The following DIAPH2 variants were observed in gnomAD, a reference collection of about 807,000 sequenced individuals.
DIAPH2 encodes the protein protein diaphanous homolog 2.
A neutral mutation model predicts 92.7 loss-of-function variants in DIAPH2; 35 were observed. The observed-to-expected ratio is 0.38, with a 90% CI of 0.29 to 0.50. DIAPH2 has a LOEUF of 0.50. DIAPH2 is among the 20% of genes least tolerant of loss of function. The pLI, the probability that DIAPH2 is intolerant of heterozygous loss-of-function variation, is 0.94. For synonymous variants in DIAPH2, 301 were observed against 280.4 expected, an observed-to-expected ratio of 1.07 and a Z score of -0.73; for missense variants, 701 against 819.5, an observed-to-expected ratio of 0.86 and a Z score of 1.77.
At chrX:97,269,556 C>T (rs1310654722) in intron 23 of DIAPH2, among the ~76,000 whole-genome samples, 1 of 111,126 alleles carries the variant, frequency 9.0e-6, no homozygotes, top group African/African-American at 3.3e-5. Context: ...CTGTTTGCTG[C>T]GAAAAGGAAT....
intron 3 of DIAPH2, among the ~76,000 whole-genome samples, chrX:96,741,757 T>A (rs2064121290): frequency 8.9e-6 from 1 of 111,917 alleles, no homozygotes; most frequent in Admixed American, 9.5e-5. Context: ...GTGCTGGGAT[T>A]ACAGGCATGA....
chrX:97,046,318 A>AC (rs2066483949), intron 17 of DIAPH2, among the ~76,000 whole-genome samples: 1 of 111,118 alleles, frequency 9.0e-6, no homozygotes, highest in East Asian at 2.8e-4. Context: ...AAGTGGAAGA[A>AC]CTTACCTTTG....
chrX:97,263,664 G>A (rs1042140151), intron 23 of DIAPH2, among the ~76,000 whole-genome samples: 3 of 109,081 alleles, frequency 2.8e-5, no homozygotes, highest in Non-Finnish European at 5.7e-5. Flanking sequence ...TCAGCTCACT[G>A]CAACCTCCGC....
chrX:97,578,425 G>A (rs1435196299), intron 26 of DIAPH2, among the ~76,000 whole-genome samples: 1 of 106,015 alleles, frequency 9.4e-6, no homozygotes, highest in Non-Finnish European at 1.9e-5. Flanking sequence ...GCGGTGTTTG[G>A]TTTTTTGCTC....
intron 4 of DIAPH2, 28 bp downstream of exon 4, chrX:96,758,286 A>G (rs773191386): frequency 1.7e-5 from 19 of 1,142,400 alleles, no homozygotes; most frequent in Non-Finnish European, 2.1e-5. Context: ...TCTAGCTCCA[A>G]CAGAATGAGC....
intron 18 of DIAPH2, among the ~76,000 whole-genome samples, chrX:97,074,383 G>C (rs2066690865): frequency 9.0e-6 from 1 of 111,385 alleles, no homozygotes; most frequent in Non-Finnish European, 1.9e-5. Context: ...TACAGACTGG[G>C]CAACAAGAAC....
chrX:97,542,874 G>A (rs944003425), intron 26 of DIAPH2, among the ~76,000 whole-genome samples: 4 of 111,614 alleles, frequency 3.6e-5, no homozygotes, highest in Non-Finnish European at 7.5e-5. Context: ...CTAAACCCAA[G>A]AAATACTCAA....
At chrX:97,288,015 G>A (rs1279198392) in intron 23 of DIAPH2, among the ~76,000 whole-genome samples, 1 of 108,539 alleles carries the variant, frequency 9.2e-6, no homozygotes, top group African/African-American at 3.4e-5. Context: ...TCTTGTTTAT[G>A]GTGAGGAAGA....
chrX:96,813,013 G>C (rs992209259), intron 4 of DIAPH2, among the ~76,000 whole-genome samples: 1 of 111,828 alleles, frequency 8.9e-6, no homozygotes, highest in African/African-American at 3.3e-5. Flanking sequence ...TTGGGGTGGA[G>C]AGTTCTGTAG....
intron 4 of DIAPH2, among the ~76,000 whole-genome samples, chrX:96,878,859 A>G (rs1297694247): frequency 1.8e-5 from 2 of 112,210 alleles, no homozygotes; most frequent in South Asian, 3.7e-4. Flanking sequence ...TACCTGTTCT[A>G]TATTCAGCAT....
intron 24 of DIAPH2, among the ~76,000 whole-genome samples, chrX:97,351,753 A>G (rs1340427327): frequency 9.0e-6 from 1 of 111,165 alleles, no homozygotes; most frequent in Non-Finnish European, 1.9e-5. Context: ...CAGTGAGCCA[A>G]GATCACGCCA....
In DIAPH2 at chrX:97,126,349, A is replaced by G. The variant is rs748227292; in HGVS notation, c.2589+11384A>G. Among the ~76,000 whole-genome samples the G allele has an allele frequency of 4.5e-5, 5 of 111,950 alleles. No homozygotes were observed. In the East Asian group the frequency reaches 8.4e-4, roughly 19 times the overall value. ...ACCTTAACAAGGAGAGCTCATGTCC[A>G]TGGAAGGAAGTTTATAAAGTAGCAG... On this transcript the variant is annotated intron_variant, in intron 21 of 26. Transcript: ENST00000324765.
At chrX:96,713,090 C>T (rs1055418675) in intron 1 of DIAPH2, among the ~76,000 whole-genome samples, 2 of 111,337 alleles carry the variant, frequency 1.8e-5, no homozygotes, top group Non-Finnish European at 3.8e-5. Flanking sequence ...GCACAAGGCA[C>T]GTACTAGTAC....
intron 17 of DIAPH2, among the ~76,000 whole-genome samples, chrX:97,026,530 C>T (rs2066336100): frequency 1.8e-5 from 2 of 111,667 alleles, no homozygotes; most frequent in South Asian, 7.5e-4. Flanking sequence ...GAGAATCATC[C>T]CTAGAAACAA....
Position 96,718,746 on chromosome X carries a change from G to A in DIAPH2, c.133-17012G>A, listed in dbSNP as rs184126731. 1.2e-4 allele frequency among the ~76,000 whole-genome samples: 13 copies of A among 111,727 alleles called. No homozygotes were observed. The East Asian group carries it at 3.6e-3, about 31-fold the overall frequency. ...GAATAGTGCCACAATAAACATGAGAGAGCAGATATCTCTTTTAATATACTT... is the reference window on the plus strand; with the variant it reads ...GAATAGTGCCACAATAAACATGAGAAAGCAGATATCTCTTTTAATATACTT... On this transcript the variant is annotated intron_variant, in intron 1 of 26. Coordinates refer to ENST00000324765, the MANE Select transcript of DIAPH2 (RefSeq NM_006729.5).
At chrX:97,234,829 C>A (rs147743574) in intron 22 of DIAPH2, among the ~76,000 whole-genome samples, 1,214 of 111,742 alleles carry the variant, frequency 0.011, 15 homozygotes, top group African/African-American at 0.038. Context: ...GTTCACCAAT[C>A]CCTTATCTAG....
chrX:96,737,626 A>C (rs1204348725), intron 2 of DIAPH2, among the ~76,000 whole-genome samples: 1 of 111,943 alleles, frequency 8.9e-6, no homozygotes, highest in African/African-American at 3.2e-5. Flanking sequence ...TTTAAAATAG[A>C]ATATCCTATT....
chrX:96,950,594 C>A (rs1452961057), intron 15 of DIAPH2, among the ~76,000 whole-genome samples: 2 of 111,760 alleles, frequency 1.8e-5, no homozygotes, highest in Non-Finnish European at 3.8e-5. Flanking sequence ...GGTCCCCTCT[C>A]TTATGATGTC....
At chrX:97,427,657 G>GTTTTTGT (rs377662090) in intron 25 of DIAPH2, among the ~76,000 whole-genome samples, 3 of 97,406 alleles carry the variant, frequency 3.1e-5, no homozygotes, top group Admixed American at 2.4e-4. Flanking sequence ...TGTTTTGTTT[G>GTTTTTGT]TTTTGTTTTT....
Sources: allele counts gnomAD v4.1 joint callset (sites outside exome capture counted in the v4.1 genomes callset), GRCh38; gene constraint gnomAD v4.1.1; transcripts MANE v1.5; gene names NCBI Gene and HGNC (gene_info 2026-07-23, HGNC 2026-07-21).